Variants in ARHGEF7 observed in about 807,000 individuals in gnomAD.
ARHGEF7 encodes the protein PAK-interacting exchange factor beta.
ARHGEF7 carries 33 observed loss-of-function variants against 109.8 expected under a neutral mutation model. That is an observed-to-expected ratio of 0.30 (90% CI 0.23 to 0.40). ARHGEF7 has a LOEUF of 0.40. Among genes scored for constraint, ARHGEF7 ranks in the 10% least tolerant of loss-of-function variants. ARHGEF7 has a pLI of 1.00. For missense variants in ARHGEF7, 938 were observed against 1,098.5 expected (o/e 0.85, Z 2.07); for synonymous variants, 458 against 424.6 (o/e 1.08, Z -0.97).
chr13:111,259,452 T>G lies in ARHGEF7; in HGVS notation c.951-8096T>G, dbSNP rs528223424. On this transcript the variant is annotated intron_variant, in intron 8 of 21. Coordinates refer to ENST00000646102, the MANE Select transcript of ARHGEF7 (RefSeq NM_001354046.2). ...GAGAGTAAGGGAAGAGAGCAAAGAG[T>G]CTCTGCCTAGTAATTGAAAATTCTT... is the stretch of plus-strand genomic sequence containing the variant. Among the ~76,000 whole-genome samples the G allele has an allele frequency of 2.0e-5, 3 of 152,108 alleles. No homozygotes were observed. The South Asian group carries it at 6.2e-4, about 32-fold the overall frequency.
intron 19 of ARHGEF7, chr13:111,294,662 T>C (rs1329019243): frequency 1.0e-6 from 1 of 985,336 alleles, no homozygotes; most frequent in African/African-American, 1.7e-5. Context: ...AAGACAGTTC[T>C]CCTGTGGCAG....
At chr13:111,221,480 G>GATATATATCTATATATATCT (rs2084201862) in intron 5 of ARHGEF7, among the ~76,000 whole-genome samples, 1 of 53,342 alleles carries the variant, frequency 1.9e-5, no homozygotes, top group Non-Finnish European at 3.8e-5. Flanking sequence ...TATATATATA[G>GATATATATCTATATATATCT]ATATATATAG....
intron 3 of ARHGEF7, among the ~76,000 whole-genome samples, chr13:111,206,918 C>G (rs1039471044): frequency 6.9e-6 from 1 of 144,614 alleles, no homozygotes; most frequent in East Asian, 2.0e-4. Context: ...GCCGAGATCG[C>G]GCCACTGCAC....
chr13:111,304,437 C>T lies in ARHGEF7; in HGVS notation c.*1324C>T, dbSNP rs188200985. ...AAAAGGTTGGTTTTAAAGTGAGATA[C>T]ACTTTTCCGTAGAACAAGTGTTCTA... On this transcript the variant is annotated 3_prime_UTR_variant, in exon 22 of 22. Transcript: ENST00000646102. 6.6e-6 allele frequency: 1 copy of T among 152,274 alleles called. No homozygotes were observed. Among genetic ancestry groups the T allele is most frequent in the African/African-American group, 2.4e-5 (1 of 41,580 alleles). 9.4% of individuals were successfully genotyped at this position (152,274 alleles called of 1,614,324 possible).
chr13:111,284,512 G>T (rs993000329), intron 16 of ARHGEF7, among the ~76,000 whole-genome samples: 1 of 152,216 alleles, frequency 6.6e-6, no homozygotes, highest in East Asian at 1.9e-4. Flanking sequence ...TAAAGAAAAA[G>T]TGAGCTACTA....
rs200864109 is a variant in ARHGEF7 at position 111,123,866 on chromosome 13, C to CG, written c.165+8175_165+8176insG. ...CATCGTTGGCTGGTGGGCTGCGCCC[C>CG]CCCCCCCCGGCCCCGCCCCCTGCCC... is the stretch of plus-strand genomic sequence containing the variant. On this transcript the variant is annotated intron_variant, in intron 1 of 21. Transcript: ENST00000646102. 3.1e-4 allele frequency among the ~76,000 whole-genome samples: 17 copies of CG among 55,590 alleles called. 1 individual carries two copies. The highest frequency in any genetic ancestry group is 2.7e-3 in the East Asian group (7 of 2,608). The allele number at this position is 55,590 out of a possible 152,430, so 36.5% of individuals were successfully genotyped here.
At chr13:111,245,398 A>G (rs2088637229) in intron 8 of ARHGEF7, among the ~76,000 whole-genome samples, 1 of 152,158 alleles carries the variant, frequency 6.6e-6, no homozygotes, top group Non-Finnish European at 1.5e-5. Context: ...GTTGTGTAGA[A>G]TAAGAGAAGA....
At chr13:111,226,922 G>A (rs2085286877) in intron 5 of ARHGEF7, among the ~76,000 whole-genome samples, 1 of 152,176 alleles carries the variant, frequency 6.6e-6, no homozygotes. Context: ...ACATCAACAG[G>A]AGTTTGGAAG....
At chr13:111,161,596 A>G (rs2076747170) in intron 2 of ARHGEF7, among the ~76,000 whole-genome samples, 1 of 152,242 alleles carries the variant, frequency 6.6e-6, no homozygotes, top group African/African-American at 2.4e-5. Context: ...AGTTGGAGCC[A>G]TATGGTATAT....
chr13:111,247,337 C>G (rs2089044107), intron 8 of ARHGEF7, among the ~76,000 whole-genome samples: 2 of 151,618 alleles, frequency 1.3e-5, no homozygotes, highest in South Asian at 2.1e-4. Flanking sequence ...GGTGCGATCT[C>G]AGCTCACTGC....
intron 1 of ARHGEF7, among the ~76,000 whole-genome samples, chr13:111,146,212 G>C (rs138271677): frequency 5.9e-5 from 9 of 152,252 alleles, no homozygotes; most frequent in African/African-American, 1.7e-4. Flanking sequence ...TATTCTCCAA[G>C]TAGGAAAAAA....
At chr13:111,158,993 C>T (rs1031039919) in intron 2 of ARHGEF7, 3 of 717,948 alleles carry the variant, frequency 4.2e-6, no homozygotes, top group East Asian at 2.7e-5. Flanking sequence ...AAATTTTGTA[C>T]CCTTTGACTA....
At chr13:111,251,136 G>A (rs2089700040) in intron 8 of ARHGEF7, among the ~76,000 whole-genome samples, 1 of 152,196 alleles carries the variant, frequency 6.6e-6, no homozygotes, top group Admixed American at 6.5e-5. Flanking sequence ...AGCTGTCTAG[G>A]GGCCGACCCA....
chr13:111,186,284 G>A (rs887598691), intron 2 of ARHGEF7, among the ~76,000 whole-genome samples: 3 of 152,042 alleles, frequency 2.0e-5, no homozygotes, highest in South Asian at 2.1e-4. Flanking sequence ...TAAAATACTT[G>A]GTTACTTCTT....
intron 19 of ARHGEF7, chr13:111,295,236 A>C (rs1315415373): frequency 1.0e-6 from 1 of 981,944 alleles, no homozygotes; most frequent in African/African-American, 1.8e-5. Flanking sequence ...GGGGAATAGC[A>C]TAGTTTGCAG....
At position 111,198,968 on chromosome 13, in the gene ARHGEF7, C is replaced by T. The variant is rs1429720702; in HGVS notation, c.253-6321C>T. On this transcript the variant is annotated intron_variant, in intron 2 of 21. Coordinates refer to ENST00000646102, the MANE Select transcript of ARHGEF7 (RefSeq NM_001354046.2). ...GCTGGACACGGAGTGCTGATTGGTT[C>T]GTTTTTACAGAGTGCTGATAGGTGC... Among the ~76,000 whole-genome samples the T allele has an allele frequency of 3.3e-5, 5 of 152,182 alleles. No individual in the cohort carries two copies. The East Asian group carries it at 7.7e-4, about 24-fold the overall frequency.
intron 4 of ARHGEF7, among the ~76,000 whole-genome samples, chr13:111,216,095 T>C (rs2083098705): frequency 6.6e-6 from 1 of 152,182 alleles, no homozygotes; most frequent in Non-Finnish European, 1.5e-5. Flanking sequence ...TTATACTAGT[T>C]GGGGTTCACG....
upstream of ARHGEF7, chr13:111,115,087 C>G (rs2066645885): frequency 6.6e-6 from 1 of 150,600 alleles, no homozygotes; most frequent in Non-Finnish European, 1.5e-5. Context: ...CGCCCCCACC[C>G]CCGGCTCCCT....
At chr13:111,175,029 C>G (rs775037560) in intron 2 of ARHGEF7, among the ~76,000 whole-genome samples, 15 of 152,206 alleles carry the variant, frequency 9.9e-5, no homozygotes, top group Non-Finnish European at 1.9e-4. Flanking sequence ...TTGACTCTTC[C>G]CTGTTTTAAG....
Sources: allele counts gnomAD v4.1 joint callset (sites outside exome capture counted in the v4.1 genomes callset), GRCh38; gene constraint gnomAD v4.1.1; transcripts MANE v1.5; gene names NCBI Gene and HGNC (gene_info 2026-07-23, HGNC 2026-07-21).